ZMAT4: variants seen among roughly 807,000 people sequenced by gnomAD.
ZMAT4 encodes the protein zinc finger matrin-type protein 4.
A neutral mutation model predicts 28.7 loss-of-function variants in ZMAT4; 17 were observed. The ratio of observed to expected loss-of-function variants is 0.59; its 90% confidence interval spans 0.41 to 0.89. The LOEUF (loss-of-function observed/expected upper bound fraction) is 0.89, where lower values mean the gene tolerates loss of function less well. ZMAT4 is among the 40% of genes least tolerant of loss of function. The pLI is 0.00. For synonymous variants in ZMAT4, 117 were observed against 109.2 expected (o/e 1.07, Z -0.44); for missense variants, 240 against 283.8 (o/e 0.85, Z 1.11).
At chr8:40,724,101 G>T (rs1563437391) in intron 3 of ZMAT4, among the ~76,000 whole-genome samples, 1 of 151,920 alleles carries the variant, frequency 6.6e-6, no homozygotes, top group African/African-American at 2.4e-5. Context: ...TCTTCCCACT[G>T]CACTTAGATT....
intron 1 of ZMAT4, among the ~76,000 whole-genome samples, chr8:40,832,364 G>T (rs1239995778): frequency 6.6e-6 from 1 of 152,118 alleles, no homozygotes; most frequent in Admixed American, 6.5e-5. Context: ...TTCTGCTTCT[G>T]CCTGCACAAC....
In ZMAT4 at chr8:40,815,500, A is replaced by G. The variant is rs149816530; in HGVS notation, c.102+10075T>C. Among the ~76,000 whole-genome samples, 419 of 152,276 alleles carry G rather than the reference A, an allele frequency of 2.8e-3. 1 individual carries two copies. The highest frequency in any genetic ancestry group is 9.7e-3 in the African/African-American group (403 of 41,554). On this transcript the variant is annotated intron_variant, in intron 2 of 6. Coordinates refer to ENST00000297737, the MANE Select transcript of ZMAT4 (RefSeq NM_024645.3). The stretch of plus-strand genomic sequence containing the variant: ...GAGCAAAGGAAAATTTCTCTCAAAC[A>G]TCCATCTAAATAAGACTCTGGGATA...
intron 4 of ZMAT4, among the ~76,000 whole-genome samples, chr8:40,677,348 G>C (rs1808955342): frequency 6.7e-6 from 1 of 149,248 alleles, no homozygotes; most frequent in Non-Finnish European, 1.5e-5. Flanking sequence ...TTTCAACCCA[G>C]CTTATATTCC....
intron 5 of ZMAT4, among the ~76,000 whole-genome samples, chr8:40,627,321 C>T (rs1438249219): frequency 1.3e-5 from 2 of 152,104 alleles, no homozygotes; most frequent in East Asian, 1.9e-4. Context: ...ATATCTGTAG[C>T]GTAGCCAGGC....
intron 5 of ZMAT4, among the ~76,000 whole-genome samples, chr8:40,594,222 T>C (rs1273673578): frequency 1.3e-5 from 2 of 152,192 alleles, no homozygotes; most frequent in East Asian, 1.9e-4. Context: ...CCCAGTTTAA[T>C]ACAGTTATCT....
At chr8:40,786,118 G>A (rs1814066273) in intron 2 of ZMAT4, among the ~76,000 whole-genome samples, 1 of 152,098 alleles carries the variant, frequency 6.6e-6, no homozygotes, top group South Asian at 2.1e-4. Context: ...AGAAATTTGT[G>A]CCTTAAACAC....
At chr8:40,663,977 A>T (rs1808302328) in intron 5 of ZMAT4, among the ~76,000 whole-genome samples, 1 of 152,210 alleles carries the variant, frequency 6.6e-6, no homozygotes, top group African/African-American at 2.4e-5. Flanking sequence ...TCAGTACTTG[A>T]AAATGTTGAA....
chr8:40,624,034 TA>T (rs926122996), intron 5 of ZMAT4, among the ~76,000 whole-genome samples: 2 of 152,194 alleles, frequency 1.3e-5, no homozygotes, highest in African/African-American at 2.4e-5. Context: ...CCTGTGCTTC[TA>T]GTATTCTGCA....
intron 5 of ZMAT4, among the ~76,000 whole-genome samples, chr8:40,659,525 G>A (rs1311261956): frequency 6.6e-6 from 1 of 152,166 alleles, no homozygotes; most frequent in Admixed American, 6.5e-5. Context: ...AGAATGGAGA[G>A]GGGACAAAAT....
intron 3 of ZMAT4, among the ~76,000 whole-genome samples, chr8:40,714,247 G>A (rs1275881049): frequency 6.6e-6 from 1 of 152,104 alleles, no homozygotes; most frequent in Non-Finnish European, 1.5e-5. Flanking sequence ...ATTTATTCTA[G>A]GAAAATTATC....
intron 1 of ZMAT4, among the ~76,000 whole-genome samples, chr8:40,862,400 T>G (rs1262968056): frequency 1.8e-5 from 2 of 108,952 alleles, no homozygotes; most frequent in African/African-American, 7.4e-5. Flanking sequence ...AAGGGGAATA[T>G]CACACTCTGG....
intron 1 of ZMAT4, among the ~76,000 whole-genome samples, chr8:40,850,217 A>G (rs1275973521): frequency 2.0e-5 from 3 of 152,116 alleles, no homozygotes; most frequent in Admixed American, 2.0e-4. Context: ...AAGCCTGGAA[A>G]TGCTACCTAG....
chr8:40,555,676 C>T lies in ZMAT4; in HGVS notation c.675-23438G>A, dbSNP rs532910132. 2.2e-4 allele frequency among the ~76,000 whole-genome samples: 33 copies of T among 152,230 alleles called. No individual in the cohort carries two copies. The Middle Eastern group carries it at 0.01, about 47-fold the overall frequency. ...GTCAGAGTCCATACTGTCTCTTTTA[C>T]GGTCTCTACTCCTCTTGTGACTGAT... On this transcript the variant is annotated intron_variant, in intron 6 of 6. Transcript: ENST00000297737.
At chr8:40,706,550 C>T (rs995288446) in intron 3 of ZMAT4, among the ~76,000 whole-genome samples, 2 of 152,144 alleles carry the variant, frequency 1.3e-5, no homozygotes, top group African/African-American at 4.8e-5. Flanking sequence ...AATTCATGGA[C>T]ACACTGGCAT....
At position 40,558,807 on chromosome 8, in the gene ZMAT4, A is replaced by G. The variant is rs531414335; in HGVS notation, c.674+22358T>C. Among the ~76,000 whole-genome samples, 154 of 152,138 alleles carry G rather than the reference A, an allele frequency of 1.0e-3. 4 individuals are homozygous for G. In the South Asian group the frequency reaches 0.032, roughly 31 times the overall value. ...GGACCCCAGAGATCCCAGCCACGAC[A>G]GGATGAGAGGTCAGATATGCCTCAT... On this transcript the variant is annotated intron_variant, in intron 6 of 6. Coordinates refer to ENST00000297737, the MANE Select transcript of ZMAT4 (RefSeq NM_024645.3).
chr8:40,609,881 G>T (rs1261649765), intron 5 of ZMAT4, among the ~76,000 whole-genome samples: 1 of 152,164 alleles, frequency 6.6e-6, no homozygotes, highest in Non-Finnish European at 1.5e-5. Flanking sequence ...CCGCAGTGCA[G>T]CAAGGATGCA....
chr8:40,660,722 C>A lies in ZMAT4; in HGVS notation c.577+13982G>T, dbSNP rs76558045. ...TTACCTCAACCTCAACTATAAAATCCCCATTTTCTTGGGGAAACATTTACA... is the reference window on the plus strand; with the variant it reads ...TTACCTCAACCTCAACTATAAAATCACCATTTTCTTGGGGAAACATTTACA... On this transcript the variant is annotated intron_variant, in intron 5 of 6. Coordinates refer to ENST00000297737, the MANE Select transcript of ZMAT4 (RefSeq NM_024645.3). Among the ~76,000 whole-genome samples, 1,155 of 152,218 alleles carry A rather than the reference C, an allele frequency of 7.6e-3. 14 individuals carry two copies. Among genetic ancestry groups the A allele is most frequent in the African/African-American group, 0.026 (1,079 of 41,510 alleles).
intron 2 of ZMAT4, among the ~76,000 whole-genome samples, chr8:40,825,317 A>G (rs1815991717): frequency 6.6e-6 from 1 of 152,148 alleles, no homozygotes; most frequent in Non-Finnish European, 1.5e-5. Flanking sequence ...GCCCAAGCAG[A>G]GTCTCCAGGG....
intron 6 of ZMAT4, among the ~76,000 whole-genome samples, chr8:40,550,019 C>T (rs1037183375): frequency 6.6e-6 from 1 of 152,128 alleles, no homozygotes; most frequent in South Asian, 2.1e-4. Context: ...GCCAATTTCC[C>T]TCTCAGCCTG....
Sources: allele counts gnomAD v4.1 joint callset (sites outside exome capture counted in the v4.1 genomes callset), GRCh38; gene constraint gnomAD v4.1.1; transcripts MANE v1.5; gene names NCBI Gene and HGNC (gene_info 2026-07-23, HGNC 2026-07-21).